Variants in TENM3 observed in about 807,000 individuals in gnomAD.
TENM3 encodes the protein teneurin transmembrane protein 3.
A neutral mutation model predicts 255.1 loss-of-function variants in TENM3; 63 were observed. That is an observed-to-expected ratio of 0.25 (90% CI 0.20 to 0.30). The LOEUF (loss-of-function observed/expected upper bound fraction) is 0.30. Ranked by LOEUF, TENM3 falls within the 10% of genes least tolerant of loss-of-function variation. The pLI, the probability that TENM3 is intolerant of heterozygous loss-of-function variation, is 1.00. For synonymous variants in TENM3, 1,306 were observed against 1,322.3 expected, an observed-to-expected ratio of 0.99 and a Z score of 0.27; for missense variants, 2,929 against 3,461.1, an observed-to-expected ratio of 0.85 and a Z score of 3.86.
the TENM3 span, among the ~76,000 whole-genome samples, chr4:181,875,621 A>C: frequency 6.6e-6 from 1 of 152,318 alleles, no homozygotes; most frequent in South Asian, 2.1e-4. Flanking sequence ...TCAATGAGTC[A>C]AAAGACGACA....
At position 182,243,430 on chromosome 4, in the gene TENM3, T is replaced by C. The variant is rs1450376059; in HGVS notation, c.-122T>C. On this transcript the variant is annotated 5_prime_UTR_variant, in exon 1 of 28. An upstream start codon of the reference 5' UTR is lost. Transcript: ENST00000511685. ...GCACCTGGCCATGAAGGCTTTTAGA[T>C]GGGTCTGGAGCTTGGAGGAGAAGTC... 2 of 152,418 alleles carry C rather than the reference T, an allele frequency of 1.3e-5. No homozygotes were observed. The highest frequency in any genetic ancestry group is 2.9e-5 in the Non-Finnish European group (2 of 68,304). 9.4% of individuals were successfully genotyped at this position (152,418 alleles called of 1,614,324 possible).
chr4:182,643,384 G>A (rs1752481218), intron 5 of TENM3, among the ~76,000 whole-genome samples: 1 of 152,058 alleles, frequency 6.6e-6, no homozygotes, highest in South Asian at 2.1e-4. Context: ...GAACAACATC[G>A]GTATTCTAAT....
chr4:182,256,694 A>C (rs373055023), intron 1 of TENM3, among the ~76,000 whole-genome samples: 1 of 152,136 alleles, frequency 6.6e-6, no homozygotes, highest in East Asian at 1.9e-4. Flanking sequence ...CATTGCAGTT[A>C]TGGATTTTAT....
At chr4:181,811,674 G>A in the TENM3 span, among the ~76,000 whole-genome samples, 1 of 152,210 alleles carries the variant, frequency 6.6e-6, no homozygotes, top group African/African-American at 2.4e-5. Context: ...AGCCAAGAGA[G>A]CTTGTGCAGG....
chr4:181,546,351 C>A, the TENM3 span, among the ~76,000 whole-genome samples: 6 of 152,150 alleles, frequency 3.9e-5, no homozygotes, highest in Non-Finnish European at 8.8e-5. Context: ...AATTAGCATT[C>A]TTCTGATTAA....
chr4:182,178,992 T>C lies in TENM3; in HGVS notation c.-76+34238T>C, dbSNP rs28406869. ...GTGAAATCTGCTGTTTTCAACGAAT[T>C]CCTTTTTTAAATTTTAATTCCTAAG... On this transcript the variant is annotated intron_variant, in intron 1 of 2. Transcript: ENST00000512480. Among the ~76,000 whole-genome samples the C allele has an allele frequency of 8.2e-3, 1,254 of 152,314 alleles. 16 individuals carry two copies. Among genetic ancestry groups the C allele is most frequent in the African/African-American group, 0.029 (1,207 of 41,574 alleles).
the TENM3 span, among the ~76,000 whole-genome samples, chr4:181,538,310 T>C: frequency 6.6e-6 from 1 of 152,230 alleles, no homozygotes; most frequent in Non-Finnish European, 1.5e-5. Flanking sequence ...TTCATTCTTT[T>C]ACTCACTTAT....
the TENM3 span, among the ~76,000 whole-genome samples, chr4:181,696,486 A>T: frequency 6.6e-6 from 1 of 152,230 alleles, no homozygotes; most frequent in African/African-American, 2.4e-5. Flanking sequence ...AACATGAAAC[A>T]TTCTACCCAC....
chr4:181,875,793 C>A, the TENM3 span, among the ~76,000 whole-genome samples: 1 of 152,046 alleles, frequency 6.6e-6, no homozygotes, highest in East Asian at 1.9e-4. Context: ...GTTCTCAGTT[C>A]CCCTGACAAA....
the TENM3 span, among the ~76,000 whole-genome samples, chr4:181,999,906 T>C: frequency 6.6e-6 from 1 of 152,166 alleles, no homozygotes; most frequent in Non-Finnish European, 1.5e-5. Flanking sequence ...CTAGAAACTT[T>C]ATGCTTATTA....
chr4:182,021,529 C>T, the TENM3 span, among the ~76,000 whole-genome samples: 4 of 152,152 alleles, frequency 2.6e-5, no homozygotes, highest in African/African-American at 9.7e-5. Flanking sequence ...ATAAAAGACC[C>T]TCTAGTATAT....
chr4:182,512,532 G>A (rs1213997668), intron 3 of TENM3, among the ~76,000 whole-genome samples: 1 of 152,102 alleles, frequency 6.6e-6, no homozygotes, highest in Admixed American at 6.5e-5. Flanking sequence ...TCACTACTAG[G>A]AGCATTAGAG....
the TENM3 span, among the ~76,000 whole-genome samples, chr4:181,800,350 G>A: frequency 2.0e-5 from 3 of 152,150 alleles, no homozygotes; most frequent in African/African-American, 7.2e-5. Context: ...AGAATTCCTA[G>A]GCCGGGAAAG....
chr4:181,956,879 CT>C, the TENM3 span, among the ~76,000 whole-genome samples: 6 of 152,174 alleles, frequency 3.9e-5, no homozygotes. Flanking sequence ...AATTCAAACA[CT>C]TTTCTTATTT....
the TENM3 span, among the ~76,000 whole-genome samples, chr4:181,880,996 C>T: frequency 1.3e-5 from 2 of 152,094 alleles, no homozygotes; most frequent in African/African-American, 4.8e-5. Flanking sequence ...GACCCAAGCT[C>T]ATTTGAGTAT....
At position 182,469,235 on chromosome 4, in the gene TENM3, A is replaced by C. The variant is rs115574490; in HGVS notation, c.511+122306A>C. ...AGCTGAGATTTAATGTCTCTGTTTTAGTGTTAGTCTCTGCTATCATATGCC... is the reference window on the plus strand; with the variant it reads ...AGCTGAGATTTAATGTCTCTGTTTTCGTGTTAGTCTCTGCTATCATATGCC... On this transcript the variant is annotated intron_variant, in intron 3 of 27. Transcript: ENST00000511685. Among the ~76,000 whole-genome samples the C allele has an allele frequency of 3.4e-3, 524 of 152,354 alleles. 7 individuals carry two copies. The highest frequency in any genetic ancestry group is 0.012 in the African/African-American group (501 of 41,592).
chr4:182,623,479 T>TTTTG lies in TENM3; in HGVS notation c.750-5144_750-5141dup, dbSNP rs140826051. Among the ~76,000 whole-genome samples the TTTTG allele has an allele frequency of 4.1e-3, 613 of 149,818 alleles. 9 individuals are homozygous for TTTTG. The highest frequency in any genetic ancestry group is 0.025 in the Admixed American group (382 of 15,034). On this transcript the variant is annotated intron_variant, in intron 4 of 27. Transcript: ENST00000511685. ...CATCACATCTGGCTAATTTTTTGTA[T>TTTTG]TTTGTTTGTTTGTTTGTTTGTTTGT...
intron 3 of TENM3, among the ~76,000 whole-genome samples, chr4:182,526,435 C>T (rs1739190146): frequency 6.6e-6 from 1 of 152,020 alleles, no homozygotes; most frequent in Non-Finnish European, 1.5e-5. Context: ...TTTTCACTTT[C>T]CTTTTGCCAA....
intron 3 of TENM3, among the ~76,000 whole-genome samples, chr4:182,514,557 G>A (rs60388667): frequency 3.3e-5 from 5 of 152,136 alleles, no homozygotes; most frequent in South Asian, 2.1e-4. Context: ...TTTTACATCC[G>A]GCCCTATATG....
Sources: gnomAD v4.1 joint callset for allele counts (sites outside exome capture counted in the v4.1 genomes callset) on GRCh38, gnomAD v4.1.1 for gene constraint, MANE v1.5 for transcripts, NCBI Gene and HGNC (gene_info 2026-07-23, HGNC 2026-07-21) for gene names.